The following ARAP3 variants were observed in gnomAD, a reference collection of about 807,000 sequenced individuals.
ARAP3 encodes ArfGAP with RhoGAP domain, ankyrin repeat and PH domain 3.
A neutral mutation model predicts 169.2 loss-of-function variants in ARAP3; 82 were observed. The ratio of observed to expected loss-of-function variants is 0.48; its 90% CI spans 0.41 to 0.58. ARAP3 has a LOEUF of 0.58. ARAP3 is among the 20% of genes least tolerant of loss of function. The pLI, the probability that ARAP3 is intolerant of heterozygous loss-of-function variation, is 0.00. For missense variants in ARAP3, 1,764 were observed against 2,018.0 expected, an observed-to-expected ratio of 0.87 and a Z score of 2.41; for synonymous variants, 791 against 800.3, an observed-to-expected ratio of 0.99 and a Z score of 0.20.
chr5:141,678,820 T>A (rs1383422847), intron 4 of ARAP3, among the ~76,000 whole-genome samples: 2 of 152,172 alleles, frequency 1.3e-5, no homozygotes, highest in Non-Finnish European at 2.9e-5. Context: ...GCTCTATTTT[T>A]TCCATGGCAC....
At chr5:141,656,949 A>G (rs761904619) in intron 25 of ARAP3, 103 bp from the exon 26 acceptor site, 18 of 1,441,994 alleles carry the variant, frequency 1.2e-5, no homozygotes, top group Non-Finnish European at 1.7e-5. Context: ...CCAACCACAG[A>G]CATTTATTTT....
chr5:141,662,013 G>T (rs747527093), intron 20 of ARAP3, 30 bp downstream of exon 20: 1 of 1,612,392 alleles, frequency 6.2e-7, no homozygotes, highest in South Asian at 1.1e-5. Flanking sequence ...ATCCTGGTTG[G>T]GCCTTGGCTC....
chr5:141,681,171 T>C (rs893607454), intron 1 of ARAP3, among the ~76,000 whole-genome samples: 1 of 152,108 alleles, frequency 6.6e-6, no homozygotes. Context: ...CCAGTCCTAA[T>C]GTGTGGGGTC....
rs770540576 is a variant in ARAP3, at chr5:141,672,026, G to C, written c.1586-46C>G. ...GTGAGGGTGTGTGAGGGTGTGAGGG[G>C]CATGTGGCACGGGTACCCTGAGCCC... On this transcript the variant is annotated intron_variant, in intron 10 of 32. Coordinates refer to ENST00000239440, the MANE Select transcript of ARAP3 (RefSeq NM_022481.6). The surrounding 1 kb of genome is among the most constrained non-coding windows in gnomAD (Gnocchi z 4.9). 1 of 1,613,914 alleles carries C rather than the reference G, an allele frequency of 6.2e-7. No homozygotes were observed. The highest frequency in any genetic ancestry group is 8.5e-7 in the Non-Finnish European group (1 of 1,179,850).
chr5:141,665,187 C>A, intron 18 of ARAP3, 102 bp from the exon 19 acceptor site: 1 of 1,561,690 alleles, frequency 6.4e-7, no homozygotes, highest in Non-Finnish European at 8.7e-7. Flanking sequence ...ACACCCAACC[C>A]AAATCATCCT....
chr5:141,670,638 G>A lies in ARAP3; in HGVS notation c.1991-10C>T, dbSNP rs775802252. Reference sequence around the variant, plus strand: ...ACACCAGGGGAGGGGTCTGCAAGGGGAAGGGGAAGTAGTCAGGTCAACCAA... The same window carrying A: ...ACACCAGGGGAGGGGTCTGCAAGGGAAAGGGGAAGTAGTCAGGTCAACCAA... On this transcript the variant is annotated splice_polypyrimidine_tract_variant and intron_variant, in intron 13 of 32. Coordinates refer to ENST00000239440, the MANE Select transcript of ARAP3 (RefSeq NM_022481.6). 1.9e-6 allele frequency: 3 copies of A among 1,611,736 alleles called. No homozygotes were observed. Among genetic ancestry groups the A allele is most frequent in the Non-Finnish European group, 2.5e-6 (3 of 1,177,908 alleles).
At position 141,654,097 on chromosome 5, in the gene ARAP3, T is replaced by A. The variant is rs1285519801; in HGVS notation, c.4488A>T (p.Lys1496Asn). ...LQELSSLILRKGETTAGLGSP... is the reference protein window; with the variant it reads ...LQELSSLILRNGETTAGLGSP... ...TTCCCAGGCCTGCAGTGGTCTCTCC[T>A]TTCCTCAGGATGAGGCTGCTGAGCT... is the stretch of plus-strand genomic sequence containing the variant. The change falls in exon 33 of 33, where the codon AAA becomes AAT. Residue 1496 changes from lysine to asparagine, a missense_variant. Lys to Asn is a moderately conservative substitution (Grantham distance 94). Transcript: ENST00000239440. 3.7e-6 allele frequency: 6 copies of A among 1,611,682 alleles called. No individual in the cohort carries two copies. The highest frequency in any genetic ancestry group is 5.1e-6 in the Non-Finnish European group (6 of 1,178,668).
chr5:141,659,587 A>G (rs2099909680), intron 22 of ARAP3, 111 bp from the exon 23 acceptor site: 1 of 1,374,142 alleles, frequency 7.3e-7, no homozygotes, highest in Non-Finnish European at 1.0e-6. Flanking sequence ...AGAGCTAAGA[A>G]CCAAGGGGGT....
chr5:141,672,500 G>T lies in ARAP3; in HGVS notation c.1385+52C>A. ...GAGGCCTCTAGTCCTCTGCACCCTT[G>T]TGCCTCCCGCAAAAGTCCCCCAGCC... is the stretch of plus-strand genomic sequence containing the variant. On this transcript the variant is annotated intron_variant, in intron 9 of 32. Transcript: ENST00000239440. This position sits in a 1 kb window ranked among gnomAD's most constrained non-coding sequence, Gnocchi z 4.9. 6.3e-7 allele frequency: 1 copy of T among 1,595,784 alleles called. No homozygotes were observed. The highest frequency in any genetic ancestry group is 8.6e-7 in the Non-Finnish European group (1 of 1,168,768).
At chr5:141,656,426 G>A in intron 27 of ARAP3, 78 bp downstream of exon 27, 1 of 1,580,220 alleles carries the variant, frequency 6.3e-7, no homozygotes, top group East Asian at 2.3e-5. Context: ...TATGGGCTGT[G>A]GAGTCAGAGG....
intron 32 of ARAP3, 92 bp downstream of exon 32, chr5:141,655,270 C>T: frequency 7.5e-7 from 1 of 1,340,386 alleles, no homozygotes; most frequent in Non-Finnish European, 1.0e-6. Flanking sequence ...CCCCTGATGG[C>T]CTACATGAGG....
In ARAP3 at chr5:141,680,010, G is replaced by A. The variant is rs1354610112; in HGVS notation, c.477C>T (p.Ile159=). 1 of 1,614,202 alleles carries A rather than the reference G, an allele frequency of 6.2e-7. No individual in the cohort carries two copies. The highest frequency in any genetic ancestry group is 1.1e-5 in the South Asian group (1 of 91,080). ...TGCCTCTTGAGTCCAGGCCGAAGTA[G>A]ATGGAATTAGGCATCATCTCCACAG... ...LNTVEMMPNS[I]YFGLDSRGRA... is the part of the protein sequence containing the mutation. The change falls in exon 2 of 33, where the codon ATC becomes ATT. Residue 159 remains isoleucine, a synonymous_variant. Coordinates refer to ENST00000239440, the MANE Select transcript of ARAP3 (RefSeq NM_022481.6).
Position 141,656,907 on chromosome 5 carries a change from C to G in ARAP3, c.3527-61G>C, listed in dbSNP as rs1000136688. ...GAATATCCATACTAAGCCCCCAGCTCTCACCAGTCATTCATTCATCCATTC... is the reference window on the plus strand; with the variant it reads ...GAATATCCATACTAAGCCCCCAGCTGTCACCAGTCATTCATTCATCCATTC... On this transcript the variant is annotated intron_variant, in intron 25 of 32. Coordinates refer to ENST00000239440, the MANE Select transcript of ARAP3 (RefSeq NM_022481.6). 3.2e-6 allele frequency: 5 copies of G among 1,548,290 alleles called. No individual in the cohort carries two copies. In the East Asian group the frequency reaches 1.1e-4, roughly 35 times the overall value.
At chr5:141,663,587 C>A (rs1308190563) in intron 19 of ARAP3, among the ~76,000 whole-genome samples, 2 of 152,266 alleles carry the variant, frequency 1.3e-5, no homozygotes, top group Middle Eastern at 3.4e-3. Context: ...CCACGCCCGG[C>A]CCCATATTCT....
intron 16 of ARAP3, among the ~76,000 whole-genome samples, chr5:141,668,275 T>C (rs1452247665): frequency 1.3e-5 from 2 of 151,750 alleles, no homozygotes; most frequent in Non-Finnish European, 2.9e-5. Context: ...CCTGGCTAAT[T>C]CTTATTTTTT....
chr5:141,682,030 GGCA>G (rs2099913093), intron 1 of ARAP3, 140 bp downstream of exon 1: 1 of 152,192 alleles, frequency 6.6e-6, no homozygotes, highest in African/African-American at 2.4e-5. Flanking sequence ...GCAGAGGCCG[GGCA>G]GCAGGAGGGA....
chr5:141,676,087 C>T (rs781019838), intron 4 of ARAP3, among the ~76,000 whole-genome samples: 5 of 152,032 alleles, frequency 3.3e-5, no homozygotes, highest in African/African-American at 7.2e-5. Flanking sequence ...TGGACAGGTA[C>T]GGTGGCTCAC....
chr5:141,681,059 C>T (rs192054274), intron 1 of ARAP3, among the ~76,000 whole-genome samples: 35 of 152,288 alleles, frequency 2.3e-4, no homozygotes, highest in African/African-American at 8.2e-4. Context: ...GTCCCTCCTC[C>T]CCTTCCACCT....
chr5:141,669,596 T>C lies in ARAP3; in HGVS notation c.2352+113A>G. 3 of 988,436 alleles carry C rather than the reference T, an allele frequency of 3.0e-6. No homozygotes were observed. In the South Asian group the frequency reaches 4.4e-5, roughly 14 times the overall value. The allele number at this position is 988,436 out of a possible 1,614,324, so 61.2% of individuals were successfully genotyped here. A position where few individuals can be genotyped will look rare whatever the true frequency, so the allele number is the denominator to read the frequency against. ...GGCCTGGCACAGAATATGTGCTCAG[T>C]CACCCTTAGCTGTTAGTGGAAGAAG... is the stretch of plus-strand genomic sequence containing the variant. On this transcript the variant is annotated intron_variant, in intron 16 of 32. Transcript: ENST00000239440.
Sources: allele counts gnomAD v4.1 joint callset (sites outside exome capture counted in the v4.1 genomes callset), GRCh38; gene constraint gnomAD v4.1.1; non-coding constraint Gnocchi (gnomAD v3.1); transcripts MANE v1.5; gene names NCBI Gene and HGNC (gene_info 2026-07-23, HGNC 2026-07-21).